The following UTY variants were observed in gnomAD, a reference collection of about 807,000 sequenced individuals.
UTY encodes the protein histone demethylase UTY.
Under a neutral mutation model 32.5 loss-of-function variants are expected in UTY, and 12 were observed. The observed-to-expected ratio is 0.37, with a 90% CI of 0.24 to 0.60. The LOEUF (loss-of-function observed/expected upper bound fraction) is 0.60. UTY is among the 20% of genes least tolerant of loss of function. The probability of loss-of-function intolerance (pLI) is 0.69; values close to 1 mark genes in which losing one functional copy is unlikely to be tolerated. For missense variants in UTY, 303 were observed against 299.2 expected (o/e 1.01, Z -0.09); for synonymous variants, 131 against 103.4 (o/e 1.27, Z -1.62).
At chrY:13,258,317 G>A (rs2054951274) in intron 28 of UTY, among the ~76,000 whole-genome samples, 3 of 33,602 alleles carry the variant, frequency 8.9e-5, no homozygotes, top group Non-Finnish European at 2.2e-4. Flanking sequence ...CTCAGTCTGT[G>A]TGCCATGGCC....
chrY:13,395,809 A>C, intron 7 of UTY, among the ~76,000 whole-genome samples: 1 of 31,660 alleles, frequency 3.2e-5, no homozygotes, highest in South Asian at 7.2e-4. Context: ...CTTAAAATGC[A>C]AATTTAGGCT....
intron 4 of UTY, among the ~76,000 whole-genome samples, chrY:13,446,591 T>TAGAC (rs2075822990): frequency 4.1e-5 from 1 of 24,355 alleles, no homozygotes; most frequent in Non-Finnish European, 9.3e-5. Context: ...GATAGATAGA[T>TAGAC]AGATAGATAG....
At chrY:13,451,957 T>C in intron 3 of UTY, among the ~76,000 whole-genome samples, 1 of 33,678 alleles carries the variant, frequency 3.0e-5, no homozygotes, top group Non-Finnish European at 7.4e-5. Context: ...ATGGAAACCA[T>C]GTGGGAAGCC....
chrY:13,382,832 A>G, intron 8 of UTY, among the ~76,000 whole-genome samples: 4 of 33,926 alleles, frequency 1.2e-4, no homozygotes, highest in Admixed American at 5.3e-4. Context: ...GTTAATTTCC[A>G]AAATAGTTCA....
chrY:13,472,405 TA>T (rs377130065), intron 2 of UTY, among the ~76,000 whole-genome samples: 6 of 24,960 alleles, frequency 2.4e-4, no homozygotes, highest in East Asian at 9.8e-4. Flanking sequence ...ATTAAAAAGA[TA>T]AAAAAAAAAA....
chrY:13,311,652 G>T (rs2059112481), intron 21 of UTY, among the ~76,000 whole-genome samples: 1 of 31,526 alleles, frequency 3.2e-5, no homozygotes. Context: ...AACAGTGCTG[G>T]GTGGAATAAC....
At chrY:13,383,717 A>G in intron 8 of UTY, among the ~76,000 whole-genome samples, 2 of 33,575 alleles carry the variant, frequency 6.0e-5, no homozygotes, top group Non-Finnish European at 1.5e-4. Context: ...CAGGAAATCA[A>G]TAAAAAACAA....
At chrY:13,285,168 C>T in intron 27 of UTY, among the ~76,000 whole-genome samples, 1 of 33,885 alleles carries the variant, frequency 3.0e-5, no homozygotes, top group South Asian at 6.5e-4. Context: ...GCTTATCAAT[C>T]AGTCACCCCT....
intron 17 of UTY, among the ~76,000 whole-genome samples, chrY:13,337,892 T>C (rs2061198855): frequency 6.2e-5 from 2 of 32,406 alleles, no homozygotes; most frequent in African/African-American, 2.4e-4. Flanking sequence ...GTACAAAAAT[T>C]AACTCAAAAT....
chrY:13,257,874 T>G (rs964108573), intron 28 of UTY, among the ~76,000 whole-genome samples: 2 of 32,976 alleles, frequency 6.1e-5, no homozygotes, highest in Admixed American at 5.5e-4. Context: ...ACCAAGAAGC[T>G]GTCATAGACG....
intron 16 of UTY, chrY:13,355,705 T>C (rs1416881081): frequency 2.9e-6 from 1 of 346,359 alleles, no homozygotes. Context: ...TGTCAAATCC[T>C]TCAAATCAAT....
intron 2 of UTY, 182 bp downstream of exon 2, chrY:13,479,072 G>C: frequency 2.0e-5 from 3 of 149,424 alleles, no homozygotes; most frequent in Non-Finnish European, 3.8e-5. Flanking sequence ...CCTCAGAGTA[G>C]AAGGGAGTCT....
chrY:13,284,894 A>G, intron 27 of UTY, among the ~76,000 whole-genome samples: 1 of 34,472 alleles, frequency 2.9e-5, no homozygotes, highest in Non-Finnish European at 7.3e-5. Flanking sequence ...AGAGGCCCTG[A>G]TTGTCCCCCT....
intron 28 of UTY, among the ~76,000 whole-genome samples, chrY:13,255,578 C>T (rs904720927): frequency 2.1e-4 from 7 of 33,037 alleles, no homozygotes; most frequent in Admixed American, 5.6e-4. Flanking sequence ...CTCCAGTTTT[C>T]CTAATTAAAA....
At chrY:13,253,693 G>A (rs972325599) in intron 28 of UTY, among the ~76,000 whole-genome samples, 1 of 33,752 alleles carries the variant, frequency 3.0e-5, no homozygotes, top group Non-Finnish European at 7.4e-5. Context: ...AAAGAATGTT[G>A]CTGTTTTCAG....
intron 4 of UTY, among the ~76,000 whole-genome samples, chrY:13,438,314 A>C: frequency 8.8e-5 from 3 of 33,916 alleles, no homozygotes; most frequent in African/African-American, 2.3e-4. Context: ...TAGGAATTTT[A>C]ACACAAATGC....
intron 8 of UTY, among the ~76,000 whole-genome samples, chrY:13,381,096 A>G (rs2066090733): frequency 5.8e-5 from 2 of 34,364 alleles, no homozygotes; most frequent in Admixed American, 5.2e-4. Context: ...TTAAAACAAT[A>G]TAAGTGAAAT....
chrY:13,345,925 C>T, intron 17 of UTY, among the ~76,000 whole-genome samples: 1 of 32,943 alleles, frequency 3.0e-5, no homozygotes, highest in Non-Finnish European at 7.5e-5. Context: ...AAGAAGTATT[C>T]CCTCACTCGC....
intron 27 of UTY, among the ~76,000 whole-genome samples, chrY:13,269,826 C>T: frequency 8.9e-5 from 3 of 33,764 alleles, no homozygotes; most frequent in Admixed American, 5.2e-4. Flanking sequence ...GACCCCTTCC[C>T]GGATGAGGCA....
Sources: allele counts gnomAD v4.1 joint callset (sites outside exome capture counted in the v4.1 genomes callset), GRCh38; gene constraint gnomAD v4.1.1; transcripts MANE v1.5; gene names NCBI Gene and HGNC (gene_info 2026-07-23, HGNC 2026-07-21).